Variants in CFAP61 observed in about 807,000 individuals in gnomAD.
CFAP61 encodes cilia and flagella associated protein 61.
Under a neutral mutation model 135.6 loss-of-function variants are expected in CFAP61, and 107 were observed. The observed-to-expected ratio is 0.79, with a 90% CI of 0.67 to 0.93. The LOEUF is 0.93. CFAP61 is among the 40% of genes least tolerant of loss of function. The probability of loss-of-function intolerance (pLI) is 0.00; values close to 1 mark genes in which losing one functional copy is unlikely to be tolerated. For missense variants in CFAP61, 1,507 were observed against 1,556.2 expected (o/e 0.97, Z 0.53); for synonymous variants, 575 against 578.5 (o/e 0.99, Z 0.09).
intron 20 of CFAP61, among the ~76,000 whole-genome samples, chr20:20,252,297 G>A (rs2050995806): frequency 6.8e-6 from 1 of 146,612 alleles, no homozygotes; most frequent in Non-Finnish European, 1.5e-5. Context: ...TTTGAGTAAA[G>A]CATTGCTGGA....
intron 25 of CFAP61, among the ~76,000 whole-genome samples, chr20:20,336,342 A>G (rs2058191192): frequency 1.3e-5 from 2 of 152,206 alleles, no homozygotes; most frequent in South Asian, 4.1e-4. Flanking sequence ...AGACAAATCA[A>G]TGTAAAGAAA....
chr20:20,320,375 AT>A lies in CFAP61; in HGVS notation c.3423-21455del, dbSNP rs2057396583. 2.8e-4 allele frequency among the ~76,000 whole-genome samples: 4 copies of A among 14,452 alleles called. 1 individual carries two copies. The East Asian group carries it at 3.8e-3, about 14-fold the overall frequency. 9.5% of individuals were successfully genotyped at this position (14,452 alleles called of 152,430 possible). ...ATATATAATATATGTAATATATATT[AT>A]ATATATGTAATATATATAATATATG... On this transcript the variant is annotated intron_variant, in intron 25 of 26. Coordinates refer to ENST00000245957, the MANE Select transcript of CFAP61 (RefSeq NM_015585.4).
rs568635404 is a variant in CFAP61 at position 20,123,628 on chromosome 20, T to C, written c.860-19229T>C. Among the ~76,000 whole-genome samples the C allele has an allele frequency of 7.4e-4, 113 of 151,950 alleles. 2 individuals are homozygous for C. The highest frequency in any genetic ancestry group is 2.7e-3 in the African/African-American group (110 of 41,218). On this transcript the variant is annotated intron_variant, in intron 8 of 26. Coordinates refer to ENST00000245957, the MANE Select transcript of CFAP61 (RefSeq NM_015585.4). ...TGTGCCGATTTTTATACCAGTATCA[T>C]GCTGTTTTGGTGACTCTCATGCTGT...
chr20:20,308,211 G>T (rs111705123), intron 25 of CFAP61, among the ~76,000 whole-genome samples: 1 of 152,106 alleles, frequency 6.6e-6, no homozygotes, highest in Non-Finnish European at 1.5e-5. Context: ...CATGGAATTT[G>T]GAGTGGGCGT....
intron 13 of CFAP61, among the ~76,000 whole-genome samples, chr20:20,186,423 A>G (rs1015171997): frequency 1.3e-5 from 2 of 152,136 alleles, no homozygotes; most frequent in African/African-American, 4.8e-5. Flanking sequence ...CCATTCATCA[A>G]TTGATGGGCA....
chr20:20,153,638 T>C lies in CFAP61; in HGVS notation c.952-5732T>C, dbSNP rs528405389. On this transcript the variant is annotated intron_variant, in intron 9 of 26. Transcript: ENST00000245957. ...GGAGATAGATAAATTCCTGGAAATA[T>C]ACAACCCTCCTAGATTAATCAGGAA... Among the ~76,000 whole-genome samples, 5 of 152,082 alleles carry C rather than the reference T, an allele frequency of 3.3e-5. No individual in the cohort carries two copies. In the East Asian group the frequency reaches 9.6e-4, roughly 29 times the overall value.
At chr20:20,347,766 C>T (rs1463097036) in intron 26 of CFAP61, among the ~76,000 whole-genome samples, 1 of 151,854 alleles carries the variant, frequency 6.6e-6, no homozygotes, top group Non-Finnish European at 1.5e-5. Flanking sequence ...AACCCCTTCT[C>T]TACCAAAAAT....
At chr20:20,059,873 A>G (rs1357968078) in intron 2 of CFAP61, among the ~76,000 whole-genome samples, 1 of 152,136 alleles carries the variant, frequency 6.6e-6, no homozygotes, top group African/African-American at 2.4e-5. Context: ...GACTTTTAGA[A>G]GAAGATAATA....
chr20:20,223,115 C>T (rs1393532705), intron 17 of CFAP61, among the ~76,000 whole-genome samples: 2 of 152,110 alleles, frequency 1.3e-5, no homozygotes, highest in Non-Finnish European at 2.9e-5. Flanking sequence ...CCTTTTCAAA[C>T]GTGTTTTTCA....
At chr20:20,233,897 T>C (rs964706714) in intron 18 of CFAP61, among the ~76,000 whole-genome samples, 10 of 152,202 alleles carry the variant, frequency 6.6e-5, no homozygotes, top group African/African-American at 1.9e-4. Flanking sequence ...CTTATTGTCC[T>C]TTTTTTGTGG....
rs751416259 is a variant in CFAP61, at chr20:20,052,587, A to G, written c.-41A>G. 4 of 1,613,782 alleles carry G rather than the reference A, an allele frequency of 2.5e-6. No homozygotes were observed. The highest frequency in any genetic ancestry group is 1.7e-5 in the Admixed American group (1 of 60,004). On this transcript the variant is annotated 5_prime_UTR_variant, in exon 1 of 27. It removes an upstream start codon present in the reference 5' UTR. Coordinates refer to ENST00000245957, the MANE Select transcript of CFAP61 (RefSeq NM_015585.4). Reference sequence around the variant, plus strand: ...GGAGTGCGGCGTCCTGGAGCTGCGGATGAGGTGGGTAACGCCGTGCTGACT... The same window carrying G: ...GGAGTGCGGCGTCCTGGAGCTGCGGGTGAGGTGGGTAACGCCGTGCTGACT...
chr20:20,065,836 T>C (rs1173181063), intron 2 of CFAP61, among the ~76,000 whole-genome samples: 1 of 152,124 alleles, frequency 6.6e-6, no homozygotes, highest in Non-Finnish European at 1.5e-5. Context: ...GGGACAGAAC[T>C]GTGCCCAGGC....
chr20:20,251,661 T>C lies in CFAP61; in HGVS notation c.2226T>C (p.Gly742=), dbSNP rs762306200. ...SLCSWVNVVV[G]RMTGIDRAAK... ...GCTCCTGGGTTAATGTCGTGGTGGG[T>C]AGAATGACCGGCATAGACCGAGCAG... Residue 742 remains glycine (G), a synonymous_variant, in exon 20 of 27, where the codon GGT becomes GGC. Transcript: ENST00000245957. 19 of 1,614,188 alleles carry C rather than the reference T, an allele frequency of 1.2e-5. No homozygotes were observed. The highest frequency in any genetic ancestry group is 1.5e-5 in the Non-Finnish European group (18 of 1,180,024).
At chr20:20,085,540 T>C (rs375856059) in intron 6 of CFAP61, 1 of 1,365,864 alleles carries the variant, frequency 7.3e-7, no homozygotes, top group Non-Finnish European at 9.8e-7. Flanking sequence ...TGTTGAGGTA[T>C]GATTATGGAT....
At chr20:20,205,086 TAA>T (rs1015103905) in intron 17 of CFAP61, among the ~76,000 whole-genome samples, 3 of 152,106 alleles carry the variant, frequency 2.0e-5, no homozygotes, top group South Asian at 2.1e-4. Context: ...ATATATTATA[TAA>T]GTGTCTATTA....
At chr20:20,147,146 G>A (rs2051957929) in intron 9 of CFAP61, among the ~76,000 whole-genome samples, 1 of 152,086 alleles carries the variant, frequency 6.6e-6, no homozygotes, top group African/African-American at 2.4e-5. Context: ...CTACTTATTG[G>A]TTGATGGACA....
At chr20:20,239,858 A>T (rs1454054153) in intron 18 of CFAP61, among the ~76,000 whole-genome samples, 1 of 152,274 alleles carries the variant, frequency 6.6e-6, no homozygotes, top group East Asian at 1.9e-4. Flanking sequence ...GAAGAGAGAG[A>T]CTCAAGCCAG....
intron 26 of CFAP61, among the ~76,000 whole-genome samples, chr20:20,349,514 C>T (rs1353488531): frequency 6.6e-6 from 1 of 152,178 alleles, no homozygotes; most frequent in African/African-American, 2.4e-5. Flanking sequence ...GACCCAAACA[C>T]CTCCTCCAGG....
At chr20:20,094,761 G>A (rs2047444969) in intron 7 of CFAP61, 1 of 152,214 alleles carries the variant, frequency 6.6e-6, no homozygotes, top group Non-Finnish European at 1.5e-5. Context: ...CACAGACCTC[G>A]ATCTTAAAAT....
Sources: allele counts gnomAD v4.1 joint callset (sites outside exome capture counted in the v4.1 genomes callset), GRCh38; gene constraint gnomAD v4.1.1; transcripts MANE v1.5; gene names NCBI Gene and HGNC (gene_info 2026-07-23, HGNC 2026-07-21).